Variants in HDGFL2 observed in about 807,000 individuals in gnomAD.
HDGFL2 encodes the protein hepatoma-derived growth factor-related protein 2.
A neutral mutation model predicts 77.1 loss-of-function variants in HDGFL2; 36 were observed. The observed-to-expected ratio is 0.47, with a 90% CI of 0.36 to 0.62. The LOEUF is 0.62. HDGFL2 is among the 20% of genes least tolerant of loss of function. The pLI is 0.00. For missense variants in HDGFL2, 976 were observed against 973.4 expected (o/e 1.00, Z -0.04); for synonymous variants, 463 against 413.1 (o/e 1.12, Z -1.46).
intron 3 of HDGFL2, among the ~76,000 whole-genome samples, chr19:4,477,267 C>T (rs1365914069): frequency 3.3e-5 from 5 of 152,180 alleles, no homozygotes; most frequent in African/African-American, 9.7e-5. Context: ...GAGTCAGGCA[C>T]AGTCCTTGCC....
intron 1 of HDGFL2, among the ~76,000 whole-genome samples, chr19:4,474,459 C>G (rs1975020039): frequency 6.6e-6 from 1 of 152,058 alleles, no homozygotes; most frequent in Non-Finnish European, 1.5e-5. Flanking sequence ...TAAAGTAGCT[C>G]TGAGGAGACC....
chr19:4,475,174 CCCT>C, intron 1 of HDGFL2, 98 bp from the exon 2 acceptor site: 1 of 953,262 alleles, frequency 1.0e-6, no homozygotes, highest in Non-Finnish European at 1.6e-6. Flanking sequence ...TTGAAGGCTC[CCCT>C]CCTCCCAGCG....
chr19:4,486,734 C>T (rs956358575), intron 3 of HDGFL2, among the ~76,000 whole-genome samples: 1 of 151,976 alleles, frequency 6.6e-6, no homozygotes, highest in Non-Finnish European at 1.5e-5. Context: ...CATGAGCCAC[C>T]CACGGCCTAA....
At chr19:4,486,938 G>A (rs953882951) in intron 3 of HDGFL2, among the ~76,000 whole-genome samples, 9 of 151,578 alleles carry the variant, frequency 5.9e-5, no homozygotes, top group African/African-American at 1.2e-4. Flanking sequence ...GGGCCTCCTC[G>A]ATCACCCAGT....
In HDGFL2 at chr19:4,491,616, C is replaced by A. The variant is rs371151898; in HGVS notation, c.540C>A (p.Ala180=). The change falls in exon 5 of 16, where the codon GCC becomes GCA. Residue 180 remains alanine, a synonymous_variant. Transcript: ENST00000616600. ...ARKASSDLDQ[A]SVSPSEEENS... ...AGGCCTCCAGCGACCTGGATCAGGC[C>A]AGCGTGTCCCCATCCGAAGAGGAGA... 5.6e-6 allele frequency: 9 copies of A among 1,613,992 alleles called. No individual in the cohort carries two copies. The highest frequency in any genetic ancestry group is 1.6e-4 in the Middle Eastern group (1 of 6,062).
Position 4,491,757 on chromosome 19 carries a change from C to T in HDGFL2, c.607-7C>T. The T allele has an allele frequency of 6.2e-7, 1 of 1,613,874 alleles. No individual in the cohort carries two copies. The highest frequency in any genetic ancestry group is 8.5e-7 in the Non-Finnish European group (1 of 1,179,936). On this transcript the variant is annotated splice_region_variant and splice_polypyrimidine_tract_variant and intron_variant, in intron 5 of 15. Transcript: ENST00000616600. ...GGGCCCCAGTTCAGCTCACTTCTCTCCCCCAGGACTTCACACCTGAGAAGA... is the reference window on the plus strand; with the variant it reads ...GGGCCCCAGTTCAGCTCACTTCTCTTCCCCAGGACTTCACACCTGAGAAGA...
chr19:4,491,779 A>G lies in HDGFL2; in HGVS notation c.622A>G (p.Lys208Glu), dbSNP rs745554286. ...TCTCCCCCAGGACTTCACACCTGAG[A>G]AGAAAGCAGCGGTCCGGGCGCCACG... ...KTSDQDFTPE[K>E]KAAVRAPRRG... Residue 208 changes from lysine (K) to glutamate (E), a missense_variant, in exon 6 of 16, where the codon AAG (lysine) becomes GAG (glutamate). Lys to Glu is a moderately conservative substitution (Grantham distance 56, BLOSUM62 1). This residue lies in a region of HDGFL2 where 567 missense variants were observed against 534.7 expected (regional missense o/e 1.06). Transcript: ENST00000616600. The G allele has an allele frequency of 6.2e-7, 1 of 1,614,048 alleles. No individual in the cohort carries two copies. Among genetic ancestry groups the G allele is most frequent in the East Asian group, 2.2e-5 (1 of 44,874 alleles).
intron 3 of HDGFL2, 83 bp downstream of exon 3, chr19:4,475,666 A>T: frequency 6.9e-7 from 1 of 1,458,702 alleles, no homozygotes; most frequent in Non-Finnish European, 9.1e-7. Flanking sequence ...TCCCCTGGGC[A>T]CTGTGGACAC....
intron 3 of HDGFL2, among the ~76,000 whole-genome samples, chr19:4,482,278 C>T (rs1010749479): frequency 2.0e-5 from 3 of 151,678 alleles, no homozygotes; most frequent in Admixed American, 6.6e-5. Flanking sequence ...GGCATCATCT[C>T]GGCTCACTGC....
chr19:4,501,830 G>A (rs753166181), intron 15 of HDGFL2, 81 bp from the exon 16 acceptor site: 6 of 1,055,458 alleles, frequency 5.7e-6, no homozygotes, highest in East Asian at 5.8e-5. Context: ...TACACTCCTC[G>A]GTGCCCATCC....
intron 9 of HDGFL2, among the ~76,000 whole-genome samples, chr19:4,496,028 C>A (rs1975692467): frequency 6.6e-6 from 1 of 152,100 alleles, no homozygotes; most frequent in African/African-American, 2.4e-5. Context: ...ACTCCTGGTG[C>A]AGGAGGCGTT....
Position 4,493,709 on chromosome 19 carries a change from C to T in HDGFL2, c.685C>T (p.Pro229Ser), listed in dbSNP as rs1416893560. The T allele has an allele frequency of 4.1e-6, 6 of 1,466,718 alleles. No homozygotes were observed. The African/African-American group carries it at 8.6e-5, about 21-fold the overall frequency. The allele number at this position is 1,466,718 out of a possible 1,614,324, so 90.9% of individuals were successfully genotyped here. A position where few individuals can be genotyped will look rare whatever the true frequency, so the allele number is the denominator to read the frequency against. Residue 229 changes from proline to serine, a missense_variant, in exon 7 of 16, where the codon CCA becomes TCA. By Grantham distance (74) the Pro-to-Ser change is moderately conservative (BLOSUM62 -1). Transcript: ENST00000616600. ...TGTCCCTGCTTCTCCCCAGAAGGCG[C>T]CATCAGCCTCCGACTCCGACTCCAA... ...PLGGRKKKKA[P>S]SASDSDSKAD...
rs142975195 is a variant in HDGFL2 at position 4,475,172 on chromosome 19, T to A, written c.73-103T>A. 4.9e-4 allele frequency: 449 copies of A among 920,256 alleles called. 2 individuals are homozygous for A. The African/African-American group carries it at 6.4e-3, about 13-fold the overall frequency. The allele number at this position is 920,256 out of a possible 1,614,324, so 57.0% of individuals were successfully genotyped here. ...GGCTGCTGCTTCCTGGGTTGAAGGC[T>A]CCCCTCCTCCCAGCGTGATTTGCCC... On this transcript the variant is annotated intron_variant, in intron 1 of 15. Transcript: ENST00000616600.
Position 4,496,290 on chromosome 19 carries a change from T to C in HDGFL2, c.1225-12T>C. 6.2e-7 allele frequency: 1 copy of C among 1,613,338 alleles called. No homozygotes were observed. The highest frequency in any genetic ancestry group is 8.5e-7 in the Non-Finnish European group (1 of 1,179,308). On this transcript the variant is annotated splice_polypyrimidine_tract_variant and intron_variant, in intron 9 of 15. Coordinates refer to ENST00000616600, the MANE Select transcript of HDGFL2 (RefSeq NM_001001520.3). ...TCCCACTGCTCCAGCGCGCCCTTCC[T>C]GACTGCTATAGGCCAAGAAATCAGC... is the stretch of plus-strand genomic sequence containing the variant.
At chr19:4,497,604 C>T (rs780113442) in intron 10 of HDGFL2, 35 of 345,086 alleles carry the variant, frequency 1.0e-4, no homozygotes, top group Non-Finnish European at 1.7e-4. Flanking sequence ...CACCGAGCCT[C>T]AGCAATGGGC....
chr19:4,472,555 A>T, intron 1 of HDGFL2, 133 bp downstream of exon 1: 99 of 297,558 alleles, frequency 3.3e-4, no homozygotes, highest in East Asian at 6.3e-4. Context: ...TCTGGGGTTC[A>T]TGGGGTCTGG....
chr19:4,499,960 A>G (rs537124807), intron 14 of HDGFL2, among the ~76,000 whole-genome samples: 1 of 152,266 alleles, frequency 6.6e-6, no homozygotes, highest in African/African-American at 2.4e-5. Context: ...GGTGACGGGG[A>G]CAGTGCATGA....
At chr19:4,476,189 CTTTT>C (rs34154932) in intron 3 of HDGFL2, among the ~76,000 whole-genome samples, 2 of 83,972 alleles carry the variant, frequency 2.4e-5, no homozygotes, top group Non-Finnish European at 4.5e-5. Flanking sequence ...TGTGCCCAGC[CTTTT>C]TTTTTTTTTT....
Position 4,491,553 on chromosome 19 carries a change from G to A in HDGFL2, c.490-13G>A, listed in dbSNP as rs766887853. 87 of 1,611,838 alleles carry A rather than the reference G, an allele frequency of 5.4e-5. No homozygotes were observed. Among genetic ancestry groups the A allele is most frequent in the Non-Finnish European group, 5.3e-5 (63 of 1,178,578 alleles). ...CTTCCCATCACTGAGCATTCAGGCC[G>A]TTCCCCTTCCAGATGTCGGTCTCGA... On this transcript the variant is annotated splice_polypyrimidine_tract_variant and intron_variant, in intron 4 of 15. Coordinates refer to ENST00000616600, the MANE Select transcript of HDGFL2 (RefSeq NM_001001520.3).
Sources: allele counts gnomAD v4.1 joint callset (sites outside exome capture counted in the v4.1 genomes callset), GRCh38; gene constraint gnomAD v4.1.1; regional missense constraint gnomAD v4.1.1; transcripts MANE v1.5; gene names NCBI Gene and HGNC (gene_info 2026-07-23, HGNC 2026-07-21).